The following NYAP2 variants were observed in gnomAD, a reference collection of about 807,000 sequenced individuals.
NYAP2 encodes the protein neuronal tyrosine-phosphorylated phosphoinositide-3-kinase adapter 2.
A neutral mutation model predicts 50.4 loss-of-function variants in NYAP2; 23 were observed. The ratio of observed to expected loss-of-function variants is 0.46; its 90% CI spans 0.33 to 0.65. NYAP2 has a LOEUF of 0.65. Among genes scored for constraint, NYAP2 ranks in the 30% least tolerant of loss-of-function variants. The pLI is 0.02. For synonymous variants in NYAP2, 394 were observed against 365.2 expected (o/e 1.08, Z -0.90); for missense variants, 885 against 861.0 (o/e 1.03, Z -0.35).
At chr2:225,434,524 T>C (rs929498091) in intron 3 of NYAP2, among the ~76,000 whole-genome samples, 4 of 152,234 alleles carry the variant, frequency 2.6e-5, no homozygotes, top group African/African-American at 4.8e-5. Context: ...TGCATTCAAC[T>C]GATACTGATC....
chr2:225,404,731 A>G (rs1012165778), intron 2 of NYAP2, among the ~76,000 whole-genome samples: 3 of 152,024 alleles, frequency 2.0e-5, no homozygotes, highest in South Asian at 4.1e-4. Context: ...ACAATTAACC[A>G]TACAGCTGTG....
the NYAP2 span, among the ~76,000 whole-genome samples, chr2:225,690,833 T>G: frequency 2.0e-5 from 3 of 152,124 alleles, no homozygotes; most frequent in Non-Finnish European, 4.4e-5. Context: ...GAATCAATAC[T>G]CTTGATTTTG....
intron 3 of NYAP2, among the ~76,000 whole-genome samples, chr2:225,410,801 A>C (rs1695025693): frequency 6.6e-6 from 1 of 152,080 alleles, no homozygotes; most frequent in Non-Finnish European, 1.5e-5. Context: ...CTTAACTGTC[A>C]AGTGTTCAAA....
At chr2:225,593,144 C>T (rs1439741841) in intron 5 of NYAP2, among the ~76,000 whole-genome samples, 1 of 152,162 alleles carries the variant, frequency 6.6e-6, no homozygotes, top group African/African-American at 2.4e-5. Context: ...TTCCTACTGG[C>T]TACATCATGT....
At chr2:225,608,045 A>G (rs1191641027) in intron 5 of NYAP2, among the ~76,000 whole-genome samples, 6 of 152,140 alleles carry the variant, frequency 3.9e-5, no homozygotes, top group Non-Finnish European at 8.8e-5. Context: ...GATTAAGACC[A>G]GACAATGAGG....
chr2:225,569,340 TC>T (rs1469003202), intron 4 of NYAP2, among the ~76,000 whole-genome samples: 1 of 152,216 alleles, frequency 6.6e-6, no homozygotes, highest in African/African-American at 2.4e-5. Flanking sequence ...ATTGTTTTCT[TC>T]TTTGGTAGGT....
At chr2:225,700,256 A>T in the NYAP2 span, 1 of 151,578 alleles carries the variant, frequency 6.6e-6, no homozygotes, top group Non-Finnish European at 1.5e-5. Flanking sequence ...AATAAGGAAA[A>T]AGGTAAGTGG....
At chr2:225,460,857 G>A (rs942590980) in intron 3 of NYAP2, among the ~76,000 whole-genome samples, 1 of 151,920 alleles carries the variant, frequency 6.6e-6, no homozygotes, top group African/African-American at 2.4e-5. Flanking sequence ...GCCGGGCATG[G>A]TGGCAGGCAC....
At chr2:225,427,954 G>A (rs1695310644) in intron 3 of NYAP2, among the ~76,000 whole-genome samples, 1 of 152,052 alleles carries the variant, frequency 6.6e-6, no homozygotes, top group African/African-American at 2.4e-5. Flanking sequence ...ACTCCTAAGA[G>A]TCCCCATACC....
the NYAP2 span, among the ~76,000 whole-genome samples, chr2:225,668,134 C>T: frequency 2.0e-5 from 3 of 152,276 alleles, no homozygotes; most frequent in South Asian, 6.2e-4. Context: ...CTCCAAATCT[C>T]CTGAATCACA....
At chr2:225,700,803 C>A in the NYAP2 span, 7 of 151,722 alleles carry the variant, frequency 4.6e-5, no homozygotes, top group Non-Finnish European at 1.0e-4. Flanking sequence ...CGTATCTTTC[C>A]CATATCACTC....
chr2:225,542,001 C>G (rs1394667776), intron 4 of NYAP2, among the ~76,000 whole-genome samples: 1 of 151,746 alleles, frequency 6.6e-6, no homozygotes, highest in African/African-American at 2.4e-5. Flanking sequence ...ATCCTTAATT[C>G]TTTGCTTAAT....
chr2:225,554,425 A>T (rs775486508), intron 4 of NYAP2, among the ~76,000 whole-genome samples: 1 of 151,912 alleles, frequency 6.6e-6, no homozygotes, highest in Non-Finnish European at 1.5e-5. Context: ...GGTTCAAGAA[A>T]TTCTCTTGCC....
chr2:225,544,388 G>C (rs1341048469), intron 4 of NYAP2, among the ~76,000 whole-genome samples: 1 of 151,452 alleles, frequency 6.6e-6, no homozygotes, highest in Non-Finnish European at 1.5e-5. Flanking sequence ...ATTTTCTCGT[G>C]GTAGGATTAA....
At chr2:225,587,499 G>A (rs867641433) in intron 5 of NYAP2, among the ~76,000 whole-genome samples, 1 of 152,078 alleles carries the variant, frequency 6.6e-6, no homozygotes, top group East Asian at 1.9e-4. Context: ...GCACAGAAAG[G>A]GATTAGTCTT....
intron 5 of NYAP2, among the ~76,000 whole-genome samples, chr2:225,609,036 A>T (rs372631273): frequency 6.6e-6 from 1 of 152,148 alleles, no homozygotes; most frequent in East Asian, 1.9e-4. Context: ...TCTGCCCTAT[A>T]GATCGCTGCC....
intron 3 of NYAP2, among the ~76,000 whole-genome samples, chr2:225,426,600 A>G (rs894974491): frequency 1.3e-5 from 2 of 152,130 alleles, no homozygotes; most frequent in Non-Finnish European, 2.9e-5. Context: ...TGCTTACTCA[A>G]CCCTTACCCT....
At chr2:225,534,736 G>C (rs1006791009) in intron 4 of NYAP2, among the ~76,000 whole-genome samples, 9 of 152,156 alleles carry the variant, frequency 5.9e-5, no homozygotes, top group Non-Finnish European at 1.2e-4. Context: ...TAAAGAATCA[G>C]TAATGACAAG....
At chr2:225,583,021 A>G (rs778798794) in exon 5 of NYAP2, 1 of 1,611,076 alleles carries the variant, frequency 6.2e-7, no homozygotes, top group Non-Finnish European at 8.5e-7. Context: ...CGGCGCTCCA[A>G]AGAGCCTGCA....
Sources: allele counts gnomAD v4.1 joint callset (sites outside exome capture counted in the v4.1 genomes callset), GRCh38; gene constraint gnomAD v4.1.1; transcripts MANE v1.5; gene names NCBI Gene and HGNC (gene_info 2026-07-23, HGNC 2026-07-21).